The following SMARCA4 variants were observed in gnomAD, a reference collection of about 807,000 sequenced individuals.
The protein encoded by SMARCA4 is SWI/SNF-related matrix-associated actin-dependent regulator of chromatin subfamily A member 4.
In SMARCA4, 31 loss-of-function variants were observed where a neutral mutation model predicts 193.9. The observed-to-expected ratio is 0.16, with a 90% confidence interval of 0.12 to 0.22. SMARCA4 has a LOEUF of 0.22. SMARCA4 is among the 10% of genes least tolerant of loss of function. The probability of loss-of-function intolerance (pLI) is 1.00; values close to 1 mark genes in which losing one functional copy is unlikely to be tolerated. For missense variants in SMARCA4, 1,148 were observed against 2,296.0 expected (o/e 0.50, Z 10.22); for synonymous variants, 942 against 933.1 (o/e 1.01, Z -0.17).
intron 1 of SMARCA4, among the ~76,000 whole-genome samples, chr19:10,967,667 GC>G (rs1364289758): frequency 1.0e-4 from 15 of 147,352 alleles, no homozygotes; most frequent in Non-Finnish European, 2.1e-4. Flanking sequence ...ACCAACCCTG[GC>G]CCCTTTCAAA....
intron 1 of SMARCA4, among the ~76,000 whole-genome samples, chr19:10,967,704 G>A (rs2084338552): frequency 8.1e-6 from 1 of 122,942 alleles, no homozygotes; most frequent in South Asian, 2.9e-4. Context: ...TTTTTTTTTG[G>A]AGACAGTTGT....
intron 29 of SMARCA4, among the ~76,000 whole-genome samples, chr19:11,036,717 T>G (rs2075291897): frequency 6.6e-6 from 1 of 152,210 alleles, no homozygotes; most frequent in Non-Finnish European, 1.5e-5. Context: ...CCAAGAGTTG[T>G]GCATCTCTCA....
intron 24 of SMARCA4, among the ~76,000 whole-genome samples, chr19:11,028,909 C>T (rs1316809411): frequency 6.6e-6 from 1 of 152,196 alleles, no homozygotes; most frequent in Non-Finnish European, 1.5e-5. Context: ...TGTTGAAGCT[C>T]CTGTGCAAGG....
Position 11,019,853 on chromosome 19 carries a change from A to C in SMARCA4, c.2616+152A>C, listed in dbSNP as rs548519645. 1.7e-4 allele frequency: 119 copies of C among 683,602 alleles called. No homozygotes were observed. Among genetic ancestry groups the C allele is most frequent in the Non-Finnish European group, 2.8e-4 (105 of 377,316 alleles). The allele number at this position is 683,602 out of a possible 1,614,324, so 42.3% of individuals were successfully genotyped here. A position where few individuals can be genotyped will look rare whatever the true frequency, so the allele number is the denominator to read the frequency against. ...GCTGCCCTGTGTAGGGGAAAGGCCTAGGTGGGGGCGACCTCAGGTTTACCT... is the reference window on the plus strand; with the variant it reads ...GCTGCCCTGTGTAGGGGAAAGGCCTCGGTGGGGGCGACCTCAGGTTTACCT... On this transcript the variant is annotated intron_variant, in intron 18 of 34. Coordinates refer to ENST00000344626, the MANE Select transcript of SMARCA4 (RefSeq NM_003072.5). This position sits in a 1 kb window ranked among gnomAD's most constrained non-coding sequence, Gnocchi z 6.1.
chr19:11,051,604 T>C (rs1293141765), intron 30 of SMARCA4, among the ~76,000 whole-genome samples: 3 of 151,560 alleles, frequency 2.0e-5, no homozygotes, highest in East Asian at 2.0e-4. Flanking sequence ...AATTCTCCTG[T>C]TTCAGCCTCC....
In SMARCA4 at chr19:11,058,407, G is replaced by A. The variant is rs1370901673; in HGVS notation, c.4533+44G>A. ...CTGCGCCCCGCATGTGCCCGGAGGG[G>A]AGTCTGACCCAGGGGCACCCCCATC... is the stretch of plus-strand genomic sequence containing the variant. On this transcript the variant is annotated intron_variant, in intron 31 of 34. Transcript: ENST00000344626. The surrounding 1 kb of genome is among the most constrained non-coding windows in gnomAD (Gnocchi z 5.8). 3.6e-6 allele frequency: 5 copies of A among 1,370,796 alleles called. No individual in the cohort carries two copies. Among genetic ancestry groups the A allele is most frequent in the Admixed American group, 1.7e-5 (1 of 59,100 alleles). 84.9% of individuals were successfully genotyped at this position (1,370,796 alleles called of 1,614,324 possible). A position where few individuals can be genotyped will look rare whatever the true frequency, so the allele number is the denominator to read the frequency against.
intron 9 of SMARCA4, 141 bp from the exon 10 acceptor site, chr19:10,996,072 G>T: frequency 1.2e-6 from 1 of 839,704 alleles, no homozygotes; most frequent in Non-Finnish European, 2.1e-6. Flanking sequence ...ATGAGGAGTC[G>T]ATTGCCGTGT....
chr19:11,038,858 GT>G (rs1388957464), intron 29 of SMARCA4, among the ~76,000 whole-genome samples: 6 of 152,178 alleles, frequency 3.9e-5, no homozygotes, highest in Non-Finnish European at 7.3e-5. Context: ...CTTCTCAGCA[GT>G]TTTACCATGA....
chr19:10,966,723 G>A (rs1031646186), intron 1 of SMARCA4, among the ~76,000 whole-genome samples: 6 of 151,988 alleles, frequency 3.9e-5, no homozygotes, highest in Admixed American at 3.3e-4. Context: ...CCGTCTCTAC[G>A]AAAATACAAA....
At chr19:11,049,052 G>C (rs1294976800) in intron 30 of SMARCA4, among the ~76,000 whole-genome samples, 3 of 152,160 alleles carry the variant, frequency 2.0e-5, no homozygotes, top group African/African-American at 7.2e-5. Flanking sequence ...TACCATGCCG[G>C]CAGTGCTGGC....
At chr19:10,983,176 A>G (rs189800007) in intron 1 of SMARCA4, among the ~76,000 whole-genome samples, 1 of 152,248 alleles carries the variant, frequency 6.6e-6, no homozygotes, top group Non-Finnish European at 1.5e-5. Flanking sequence ...TACAGACACA[A>G]GTATCTTTCC....
chr19:10,967,275 G>A (rs2084294952), intron 1 of SMARCA4, among the ~76,000 whole-genome samples: 1 of 152,114 alleles, frequency 6.6e-6, no homozygotes, highest in Non-Finnish European at 1.5e-5. Context: ...TTCCCTCAGG[G>A]AAGGGGGCTT....
chr19:11,001,488 G>T (rs1568452348), intron 11 of SMARCA4, among the ~76,000 whole-genome samples: 3 of 152,140 alleles, frequency 2.0e-5, no homozygotes, highest in African/African-American at 7.2e-5. Flanking sequence ...AAAAAGCGAG[G>T]ATGCCCAAGC....
chr19:11,014,573 C>T (rs2089177729), intron 16 of SMARCA4, among the ~76,000 whole-genome samples: 1 of 152,168 alleles, frequency 6.6e-6, no homozygotes, highest in African/African-American at 2.4e-5. Context: ...TTCCTTCCGG[C>T]TCTGCCCACC....
intron 8 of SMARCA4, among the ~76,000 whole-genome samples, chr19:10,993,865 T>C (rs1016546329): frequency 2.6e-5 from 4 of 151,906 alleles, no homozygotes; most frequent in African/African-American, 9.7e-5. Context: ...CAGGATGGTA[T>C]CGATCTGACC....
At chr19:10,969,529 C>T (rs1484359259) in intron 1 of SMARCA4, among the ~76,000 whole-genome samples, 3 of 152,024 alleles carry the variant, frequency 2.0e-5, no homozygotes, top group African/African-American at 7.2e-5. Flanking sequence ...CTCCTGGGTT[C>T]AAGCGATTCT....
In SMARCA4 at chr19:11,061,793, G is replaced by A. The variant is rs1188692885; in HGVS notation, c.4921G>A (p.Gly1641Arg). The A allele has an allele frequency of 1.2e-6, 2 of 1,613,864 alleles. No homozygotes were observed. Among genetic ancestry groups the A allele is most frequent in the Non-Finnish European group, 1.7e-6 (2 of 1,180,032 alleles). Residue 1641 changes from glycine to arginine, a missense_variant, in exon 35 of 35, where the codon GGA (glycine) becomes AGA (arginine). Transcript: ENST00000344626. ...SEEEQEEDRS[G>R]SGSEED ...CCTGTCCCCTCTCCAGGACCGCTCA[G>A]GAAGTGGCAGCGAAGAAGACTGAGC...
At chr19:11,010,319 G>GC (rs1208375489) in intron 14 of SMARCA4, 62 bp from the exon 15 acceptor site, 1 of 1,576,750 alleles carries the variant, frequency 6.3e-7, no homozygotes, top group Non-Finnish European at 8.7e-7. Context: ...TGTGTCAGGA[G>GC]CCAGCACATT....
At position 10,963,416 on chromosome 19, in the gene SMARCA4, T is replaced by TG. The variant is rs373623882; in HGVS notation, c.-32+2247dup. ...AGAAAAAGAAAGCTTGGTGCAGGAC[T>TG]GGGGGTGGATTGTAAGGGATACAGG... On this transcript the variant is annotated intron_variant, in intron 1 of 34. Coordinates refer to ENST00000344626, the MANE Select transcript of SMARCA4 (RefSeq NM_003072.5). Among the ~76,000 whole-genome samples, 121 of 148,308 alleles carry TG rather than the reference T, an allele frequency of 8.2e-4. 1 individual carries two copies. Among genetic ancestry groups the TG allele is most frequent in the African/African-American group, 2.7e-3 (111 of 40,374 alleles).
Sources: gnomAD v4.1 joint callset for allele counts (sites outside exome capture counted in the v4.1 genomes callset) on GRCh38, gnomAD v4.1.1 for gene constraint, Gnocchi (gnomAD v3.1) non-coding constraint, MANE v1.5 for transcripts, NCBI Gene and HGNC (gene_info 2026-07-23, HGNC 2026-07-21) for gene names.